Variants in BMP5 observed in about 807,000 individuals in gnomAD.
The protein encoded by BMP5 is bone morphogenetic protein 5.
In BMP5, 23 loss-of-function variants were observed where a neutral mutation model predicts 46.6. The observed-to-expected ratio is 0.49, with a 90% CI of 0.35 to 0.70. The LOEUF (loss-of-function observed/expected upper bound fraction) is 0.70, where lower values mean the gene tolerates loss of function less well. Among genes scored for constraint, BMP5 ranks in the 30% least tolerant of loss-of-function variants. The pLI is 0.00. For missense variants in BMP5, 545 were observed against 565.6 expected (o/e 0.96, Z 0.37); for synonymous variants, 204 against 191.9 (o/e 1.06, Z -0.52).
chr6:55,846,599 CT>C (rs1162054118), intron 1 of BMP5, among the ~76,000 whole-genome samples: 2 of 151,838 alleles, frequency 1.3e-5, no homozygotes, highest in African/African-American at 2.4e-5. Context: ...AATTAGTATC[CT>C]CTTTCATGTG....
At chr6:55,820,717 GTTGTTTGTTTGT>G (rs3065793) in intron 1 of BMP5, among the ~76,000 whole-genome samples, 7,143 of 151,328 alleles carry the variant, frequency 0.047, 281 homozygotes, top group Middle Eastern at 0.085. Context: ...TCTGCCCCGT[GTTGTTTGTTTGT>G]TTGTTTGTTT....
intron 1 of BMP5, among the ~76,000 whole-genome samples, chr6:55,854,615 G>A (rs933497892): frequency 6.6e-6 from 1 of 151,896 alleles, no homozygotes; most frequent in African/African-American, 2.4e-5. Context: ...TCACATAGAG[G>A]AGCAAGGTAT....
intron 1 of BMP5, among the ~76,000 whole-genome samples, chr6:55,855,985 C>T (rs1172961287): frequency 1.3e-5 from 2 of 152,160 alleles, no homozygotes; most frequent in Non-Finnish European, 2.9e-5. Context: ...TCGGTGATCA[C>T]CACCACAGTC....
intron 4 of BMP5, among the ~76,000 whole-genome samples, chr6:55,766,649 AATGCAT>A (rs1774923177): frequency 6.6e-6 from 1 of 152,092 alleles, no homozygotes; most frequent in Non-Finnish European, 1.5e-5. Flanking sequence ...AACTTTTTAA[AATGCAT>A]ATCTGGTTAT....
chr6:55,796,155 C>T (rs1775707696), intron 2 of BMP5, among the ~76,000 whole-genome samples: 1 of 152,136 alleles, frequency 6.6e-6, no homozygotes, highest in Non-Finnish European at 1.5e-5. Context: ...TACTTGAGTG[C>T]TACACTGATT....
At chr6:55,769,241 G>A (rs1258832031) in intron 4 of BMP5, among the ~76,000 whole-genome samples, 1 of 151,828 alleles carries the variant, frequency 6.6e-6, no homozygotes, top group African/African-American at 2.4e-5. Context: ...CTTTGTGAAG[G>A]TCTTCTTTTA....
At chr6:55,827,618 T>G (rs1483274156) in intron 1 of BMP5, among the ~76,000 whole-genome samples, 2 of 151,804 alleles carry the variant, frequency 1.3e-5, no homozygotes, top group Non-Finnish European at 3.0e-5. Context: ...CATTCCGAAG[T>G]ATACACATAG....
intron 1 of BMP5, among the ~76,000 whole-genome samples, chr6:55,843,167 A>T (rs1490190404): frequency 6.6e-6 from 1 of 152,136 alleles, no homozygotes; most frequent in African/African-American, 2.4e-5. Context: ...TACACCATGC[A>T]AAACACGTTT....
At chr6:55,840,999 G>A (rs1776934516) in intron 1 of BMP5, among the ~76,000 whole-genome samples, 1 of 152,206 alleles carries the variant, frequency 6.6e-6, no homozygotes, top group African/African-American at 2.4e-5. Flanking sequence ...ATTATGGCCT[G>A]AGCCCTGCCT....
chr6:55,820,564 T>C (rs1021251688), intron 1 of BMP5, among the ~76,000 whole-genome samples: 1 of 151,966 alleles, frequency 6.6e-6, no homozygotes, highest in African/African-American at 2.4e-5. Context: ...ACTACAGGCA[T>C]GCACCACCAC....
chr6:55,829,293 G>T (rs1776604982), intron 1 of BMP5, among the ~76,000 whole-genome samples: 1 of 151,592 alleles, frequency 6.6e-6, no homozygotes, highest in African/African-American at 2.4e-5. Context: ...GCACACAGCA[G>T]GTATTCATAT....
intron 3 of BMP5, among the ~76,000 whole-genome samples, chr6:55,780,470 A>AAAAAAAAAAAAAAAAAAAAAAAAG (rs1554181020): frequency 1.5e-5 from 2 of 131,718 alleles, no homozygotes; most frequent in African/African-American, 2.7e-5. Flanking sequence ...AAAAAAAAAA[A>AAAAAAAAAAAAAAAAAAAAAAAAG]AAAGAAAGAA....
Position 55,753,977 on chromosome 6 carries a change from G to T in BMP5, c.*1556C>A, listed in dbSNP as rs1774517116. ...ATTAATTAAAAATATATTACTTAAT[G>T]TACCCCTTAATATAGTTACTGTCAA... On this transcript the variant is annotated 3_prime_UTR_variant, in exon 7 of 7. Transcript: ENST00000370830. 6.6e-6 allele frequency: 1 copy of T among 151,674 alleles called. No individual in the cohort carries two copies. The highest frequency in any genetic ancestry group is 1.5e-5 in the Non-Finnish European group (1 of 67,844). The allele number at this position is 151,674 out of a possible 1,614,324, so 9.4% of individuals were successfully genotyped here. A position where few individuals can be genotyped will look rare whatever the true frequency, so the allele number is the denominator to read the frequency against.
At chr6:55,787,504 C>T (rs1464451537) in intron 3 of BMP5, among the ~76,000 whole-genome samples, 3 of 151,512 alleles carry the variant, frequency 2.0e-5, no homozygotes, top group Non-Finnish European at 3.0e-5. Flanking sequence ...TAACAGAATA[C>T]ATTTAGGAAA....
At chr6:55,840,362 C>A (rs1241623420) in intron 1 of BMP5, among the ~76,000 whole-genome samples, 2 of 152,076 alleles carry the variant, frequency 1.3e-5, no homozygotes, top group Non-Finnish European at 2.9e-5. Context: ...TTTCTCCTGA[C>A]TTATTTTCCT....
chr6:55,800,172 A>G (rs1775809670), intron 2 of BMP5, among the ~76,000 whole-genome samples: 1 of 152,184 alleles, frequency 6.6e-6, no homozygotes, highest in Non-Finnish European at 1.5e-5. Flanking sequence ...TGAAGACGAT[A>G]TACTTATTAA....
intron 2 of BMP5, among the ~76,000 whole-genome samples, 169 bp downstream of exon 2, chr6:55,819,486 A>T (rs967773435): frequency 6.6e-6 from 1 of 152,092 alleles, no homozygotes; most frequent in South Asian, 2.1e-4. Flanking sequence ...GTAGGAGAAA[A>T]TTTTCAGATC....
At chr6:55,871,150 T>G (rs1293314633) in intron 1 of BMP5, among the ~76,000 whole-genome samples, 1 of 151,884 alleles carries the variant, frequency 6.6e-6, no homozygotes, top group Non-Finnish European at 1.5e-5. Flanking sequence ...TATCTAATCA[T>G]GTCTTTAACT....
chr6:55,807,217 G>T (rs1582080984), intron 2 of BMP5, among the ~76,000 whole-genome samples: 1 of 152,066 alleles, frequency 6.6e-6, no homozygotes, highest in Non-Finnish European at 1.5e-5. Flanking sequence ...GTCATAAATA[G>T]CTCTTATTAT....
Sources: allele counts gnomAD v4.1 joint callset (sites outside exome capture counted in the v4.1 genomes callset), GRCh38; gene constraint gnomAD v4.1.1; transcripts MANE v1.5; gene names NCBI Gene and HGNC (gene_info 2026-07-23, HGNC 2026-07-21).